NOS1AP: variants seen among roughly 807,000 people sequenced by gnomAD.
NOS1AP encodes carboxyl-terminal PDZ ligand of neuronal nitric oxide synthase protein.
In NOS1AP, 21 loss-of-function variants were observed where a neutral mutation model predicts 56.2. The observed-to-expected ratio is 0.37, with a 90% CI of 0.26 to 0.54. NOS1AP has a LOEUF of 0.54. NOS1AP is among the 20% of genes least tolerant of loss of function. The pLI, the probability that NOS1AP is intolerant of heterozygous loss-of-function variation, is 0.84. For synonymous variants in NOS1AP, 270 were observed against 274.6 expected (o/e 0.98, Z 0.17); for missense variants, 522 against 657.8 (o/e 0.79, Z 2.26).
Position 162,240,954 on chromosome 1 carries a change from TG to T in NOS1AP, c.178-46386del, listed in dbSNP as rs375647716. Among the ~76,000 whole-genome samples the T allele has an allele frequency of 3.7e-4, 57 of 152,098 alleles. No homozygotes were observed. In the East Asian group the frequency reaches 9.5e-3, roughly 25 times the overall value. ...GGAAGCAGGGCAGTGTGCAGTTATGTGGGGTGTGGCTGTTCAAGGGCTGTTG... is the reference window on the plus strand; with the variant it reads ...GGAAGCAGGGCAGTGTGCAGTTATGTGGGTGTGGCTGTTCAAGGGCTGTTG... On this transcript the variant is annotated intron_variant, in intron 2 of 9. Transcript: ENST00000361897.
At chr1:162,256,509 A>T (rs1239390565) in intron 2 of NOS1AP, among the ~76,000 whole-genome samples, 2 of 152,204 alleles carry the variant, frequency 1.3e-5, no homozygotes, top group African/African-American at 4.8e-5. Context: ...ACTGCCTGTG[A>T]AGATTAACTG....
intron 1 of NOS1AP, among the ~76,000 whole-genome samples, chr1:162,072,499 G>A (rs540607189): frequency 9.2e-5 from 14 of 152,308 alleles, no homozygotes; most frequent in African/African-American, 3.4e-4. Context: ...AGAGGGAGCC[G>A]CAGTTGGTTC....
intron 1 of NOS1AP, among the ~76,000 whole-genome samples, chr1:162,074,829 A>G (rs1691734958): frequency 6.6e-6 from 1 of 152,150 alleles, no homozygotes. Flanking sequence ...GTCGTCCTTC[A>G]TGTGACTATT....
intron 5 of NOS1AP, among the ~76,000 whole-genome samples, chr1:162,335,549 G>A (rs1656910773): frequency 6.6e-6 from 1 of 152,168 alleles, no homozygotes; most frequent in Non-Finnish European, 1.5e-5. Context: ...GCAAATCATA[G>A]GAATGCTTCA....
At chr1:162,074,994 T>C (rs138203036) in intron 1 of NOS1AP, among the ~76,000 whole-genome samples, 10 of 152,168 alleles carry the variant, frequency 6.6e-5, no homozygotes, top group Non-Finnish European at 1.0e-4. Flanking sequence ...ATCCTGTTGG[T>C]CAAAACAGGC....
At chr1:162,075,598 C>A (rs138059021) in intron 1 of NOS1AP, among the ~76,000 whole-genome samples, 29 of 152,350 alleles carry the variant, frequency 1.9e-4, no homozygotes, top group African/African-American at 6.0e-4. Flanking sequence ...TTTATGTCCC[C>A]TTTCTCCCTT....
intron 4 of NOS1AP, among the ~76,000 whole-genome samples, chr1:162,325,758 C>T (rs1046142314): frequency 1.3e-5 from 2 of 152,062 alleles, no homozygotes; most frequent in African/African-American, 4.8e-5. Context: ...TTTGTCTCCA[C>T]CATCTTCAGG....
chr1:162,143,335 T>A (rs757232949), intron 1 of NOS1AP, among the ~76,000 whole-genome samples: 3 of 152,182 alleles, frequency 2.0e-5, no homozygotes, highest in Admixed American at 2.0e-4. Context: ...GTACAGTTAT[T>A]AGTCTATGAG....
At chr1:162,313,374 C>G (rs367941910) in intron 4 of NOS1AP, among the ~76,000 whole-genome samples, 8 of 152,332 alleles carry the variant, frequency 5.3e-5, no homozygotes, top group East Asian at 3.9e-4. Context: ...CCTCCTAGTA[C>G]TGCTCCATAT....
At chr1:162,324,070 G>A (rs1428896354) in intron 4 of NOS1AP, among the ~76,000 whole-genome samples, 1 of 152,210 alleles carries the variant, frequency 6.6e-6, no homozygotes, top group Non-Finnish European at 1.5e-5. Flanking sequence ...GCATACACCA[G>A]TCAAACTAGT....
chr1:162,314,055 A>G (rs1656149110), intron 4 of NOS1AP, among the ~76,000 whole-genome samples: 2 of 152,202 alleles, frequency 1.3e-5, no homozygotes, highest in Non-Finnish European at 2.9e-5. Flanking sequence ...AAGCTGGGGC[A>G]GCCTTGATTT....
chr1:162,093,363 A>G (rs537229753), intron 1 of NOS1AP, among the ~76,000 whole-genome samples: 28 of 152,336 alleles, frequency 1.8e-4, no homozygotes, highest in Non-Finnish European at 2.4e-4. Context: ...CATGTGATGT[A>G]GATATGGTGT....
chr1:162,310,662 C>A (rs969802456), intron 4 of NOS1AP, among the ~76,000 whole-genome samples: 6 of 152,224 alleles, frequency 3.9e-5, no homozygotes, highest in African/African-American at 1.4e-4. Flanking sequence ...GAAGGAAATA[C>A]CATTCATGCT....
rs754091592 is a variant in NOS1AP at position 162,213,156 on chromosome 1, C to T, written c.177+58680C>T. 7.8e-4 allele frequency among the ~76,000 whole-genome samples: 119 copies of T among 152,154 alleles called. 1 individual carries two copies. Among genetic ancestry groups the T allele is most frequent in the Non-Finnish European group, 1.5e-4 (10 of 68,022 alleles). On this transcript the variant is annotated intron_variant, in intron 2 of 9. Transcript: ENST00000361897. ...GTTAGGGAGTCCCAGGTAACTTGAA[C>T]ACCCTGGTACATTTCCTTAGGAAGG...
At chr1:162,178,795 C>G (rs1033708521) in intron 2 of NOS1AP, among the ~76,000 whole-genome samples, 2 of 152,210 alleles carry the variant, frequency 1.3e-5, no homozygotes, top group African/African-American at 4.8e-5. Flanking sequence ...GTAGCCTTGC[C>G]TAGGTGCTCT....
At chr1:162,143,933 G>T (rs1167869579) in intron 1 of NOS1AP, among the ~76,000 whole-genome samples, 2 of 152,218 alleles carry the variant, frequency 1.3e-5, no homozygotes, top group East Asian at 1.9e-4. Flanking sequence ...AAGAATAAGG[G>T]ATCTCTCTCT....
chr1:162,329,585 A>G (rs1387623830), intron 4 of NOS1AP, among the ~76,000 whole-genome samples: 1 of 152,182 alleles, frequency 6.6e-6, no homozygotes, highest in Non-Finnish European at 1.5e-5. Flanking sequence ...GGAAAGAAAA[A>G]GGGAAATCTT....
chr1:162,325,489 C>T (rs1656556125), intron 4 of NOS1AP, among the ~76,000 whole-genome samples: 1 of 151,960 alleles, frequency 6.6e-6, no homozygotes, highest in Non-Finnish European at 1.5e-5. Flanking sequence ...TCTCGTCAAC[C>T]CACCACCCCT....
chr1:162,294,193 A>AAGGC (rs1377000171), intron 3 of NOS1AP, among the ~76,000 whole-genome samples: 1 of 26,630 alleles, frequency 3.8e-5, no homozygotes, highest in Non-Finnish European at 1.7e-4. Context: ...GGAAGGAAGG[A>AAGGC]AGTAAGGAAG....
Sources: gnomAD v4.1 joint callset for allele counts (sites outside exome capture counted in the v4.1 genomes callset) on GRCh38, gnomAD v4.1.1 for gene constraint, MANE v1.5 for transcripts, NCBI Gene and HGNC (gene_info 2026-07-23, HGNC 2026-07-21) for gene names.